Variants in CCDC85A observed in about 807,000 individuals in gnomAD.
CCDC85A encodes the protein coiled-coil domain containing 85A.
In CCDC85A, 38 loss-of-function variants were observed where a neutral mutation model predicts 50.2. The ratio of observed to expected loss-of-function variants is 0.76; its 90% CI spans 0.58 to 0.99. The LOEUF (loss-of-function observed/expected upper bound fraction) is 0.99. CCDC85A is among the 50% of genes least tolerant of loss of function. The pLI is 0.00. For missense variants in CCDC85A, 820 were observed against 742.0 expected, an observed-to-expected ratio of 1.11 and a Z score of -1.22; for synonymous variants, 366 against 301.4, an observed-to-expected ratio of 1.21 and a Z score of -2.22.
chr2:56,224,861 A>G (rs929340483), intron 2 of CCDC85A, among the ~76,000 whole-genome samples: 2 of 152,222 alleles, frequency 1.3e-5, no homozygotes, highest in Non-Finnish European at 2.9e-5. Flanking sequence ...CAGATATATG[A>G]TGTACAAATA....
rs1675495156 is a variant in CCDC85A at position 56,361,035 on chromosome 2, C to G, written c.1318-11309C>G. 2.0e-5 allele frequency among the ~76,000 whole-genome samples: 3 copies of G among 152,308 alleles called. No individual in the cohort carries two copies. The South Asian group carries it at 6.2e-4, about 32-fold the overall frequency. On this transcript the variant is annotated intron_variant, in intron 3 of 5. Coordinates refer to ENST00000407595, the MANE Select transcript of CCDC85A (RefSeq NM_001080433.2). Reference sequence around the variant, plus strand: ...TTGGGAAGCCAAGGCGGGCAGATCACAAGGTCAGGAGATCGAGACCATCCT... The same window carrying G: ...TTGGGAAGCCAAGGCGGGCAGATCAGAAGGTCAGGAGATCGAGACCATCCT...
At chr2:56,210,843 G>C (rs1355144490) in intron 2 of CCDC85A, among the ~76,000 whole-genome samples, 1 of 152,010 alleles carries the variant, frequency 6.6e-6, no homozygotes, top group African/African-American at 2.4e-5. Flanking sequence ...AAGTCATACT[G>C]TGCTACTGTC....
chr2:56,296,477 C>T (rs914700060), intron 2 of CCDC85A, among the ~76,000 whole-genome samples: 3 of 152,124 alleles, frequency 2.0e-5, no homozygotes, highest in Admixed American at 6.6e-5. Context: ...GCAGCTGAAC[C>T]GTCACCAGGC....
At chr2:56,321,824 C>T (rs72672582) in intron 2 of CCDC85A, among the ~76,000 whole-genome samples, 18 of 152,054 alleles carry the variant, frequency 1.2e-4, no homozygotes, top group Admixed American at 3.9e-4. Flanking sequence ...AAAAAGAGCC[C>T]GCATTGCCAA....
intron 2 of CCDC85A, among the ~76,000 whole-genome samples, chr2:56,337,427 T>C (rs1674128657): frequency 6.6e-6 from 1 of 152,228 alleles, no homozygotes; most frequent in African/African-American, 2.4e-5. Flanking sequence ...ATTATCGTGA[T>C]TTGATATTTG....
intron 2 of CCDC85A, among the ~76,000 whole-genome samples, chr2:56,252,544 T>A: frequency 6.6e-6 from 1 of 152,188 alleles, no homozygotes; most frequent in East Asian, 1.9e-4. Flanking sequence ...TGGGTATTTT[T>A]TTTTTAGGTT....
chr2:56,373,849 G>C (rs1676202780), intron 4 of CCDC85A, among the ~76,000 whole-genome samples: 1 of 152,132 alleles, frequency 6.6e-6, no homozygotes, highest in African/African-American at 2.4e-5. Flanking sequence ...TAGAGGACCA[G>C]GGTTACTCAG....
At chr2:56,189,204 C>CT (rs1217605769) in intron 1 of CCDC85A, among the ~76,000 whole-genome samples, 1 of 151,926 alleles carries the variant, frequency 6.6e-6, no homozygotes, top group East Asian at 1.9e-4. Flanking sequence ...CCTTTCAGGC[C>CT]TGGCTGAGGG....
At chr2:56,211,703 T>C (rs1422117800) in intron 2 of CCDC85A, among the ~76,000 whole-genome samples, 1 of 152,060 alleles carries the variant, frequency 6.6e-6, no homozygotes, top group South Asian at 2.1e-4. Context: ...CATCCTAGAA[T>C]GTCAACAAAT....
At chr2:56,213,656 A>C (rs1677271951) in intron 2 of CCDC85A, among the ~76,000 whole-genome samples, 1 of 151,930 alleles carries the variant, frequency 6.6e-6, no homozygotes, top group Non-Finnish European at 1.5e-5. Flanking sequence ...TGCCTCTTAA[A>C]ATTTTTATTA....
intron 2 of CCDC85A, among the ~76,000 whole-genome samples, chr2:56,221,311 T>G (rs184826161): frequency 6.6e-6 from 1 of 152,182 alleles, no homozygotes; most frequent in Admixed American, 6.6e-5. Flanking sequence ...GATGTGCACT[T>G]AACCAGGTTC....
At chr2:56,185,028 C>T in intron 1 of CCDC85A, 128 bp downstream of exon 1, 1 of 1,174,764 alleles carries the variant, frequency 8.5e-7, no homozygotes, top group Non-Finnish European at 1.1e-6. Flanking sequence ...GGTCGGCACC[C>T]CCTACCCCCA....
In CCDC85A at chr2:56,379,207, C is replaced by T. The variant is rs188774613; in HGVS notation, c.1572+3272C>T. 3.9e-5 allele frequency among the ~76,000 whole-genome samples: 6 copies of T among 152,254 alleles called. No homozygotes were observed. The East Asian group carries it at 9.7e-4, about 25-fold the overall frequency. On this transcript the variant is annotated intron_variant, in intron 5 of 5. Transcript: ENST00000407595. The stretch of plus-strand genomic sequence containing the variant: ...TCTCTTTGATACTATCAAAGAGCCA[C>T]CTCCACATGCCTTTTCTTAGGCACT...
intron 2 of CCDC85A, among the ~76,000 whole-genome samples, chr2:56,269,830 C>T (rs770965335): frequency 2.6e-5 from 4 of 152,190 alleles, no homozygotes; most frequent in South Asian, 2.1e-4. Context: ...TCCTCTCTTG[C>T]GTTATTTCAG....
chr2:56,199,929 C>G (rs771795302), intron 2 of CCDC85A, among the ~76,000 whole-genome samples: 1 of 152,126 alleles, frequency 6.6e-6, no homozygotes, highest in African/African-American at 2.4e-5. Context: ...AGTGCGGTGG[C>G]GCAGTCTTGG....
intron 5 of CCDC85A, chr2:56,379,805 A>G (rs1676501266): frequency 1.1e-5 from 11 of 984,748 alleles, no homozygotes; most frequent in Non-Finnish European, 1.2e-5. Flanking sequence ...TATGAACATG[A>G]CCTTAGTGAG....
chr2:56,247,988 G>A (rs1669585107), intron 2 of CCDC85A, among the ~76,000 whole-genome samples: 1 of 152,162 alleles, frequency 6.6e-6, no homozygotes. Flanking sequence ...GGAGCAGGGA[G>A]ACTTGTCAGG....
intron 5 of CCDC85A, among the ~76,000 whole-genome samples, chr2:56,381,151 G>C (rs1676566876): frequency 6.6e-6 from 1 of 151,918 alleles, no homozygotes; most frequent in African/African-American, 2.4e-5. Flanking sequence ...TAAGTTATTT[G>C]TTTTTCTTTC....
At chr2:56,351,857 T>C (rs933025058) in intron 3 of CCDC85A, among the ~76,000 whole-genome samples, 1 of 152,160 alleles carries the variant, frequency 6.6e-6, no homozygotes, top group Non-Finnish European at 1.5e-5. Flanking sequence ...TTTAGTTTAA[T>C]TCGATCCCAT....
Sources: gnomAD v4.1 joint callset for allele counts (sites outside exome capture counted in the v4.1 genomes callset) on GRCh38, gnomAD v4.1.1 for gene constraint, MANE v1.5 for transcripts, NCBI Gene and HGNC (gene_info 2026-07-23, HGNC 2026-07-21) for gene names.